OR1B1: variants seen among roughly 807,000 people sequenced by gnomAD.
OR1B1 encodes the protein olfactory receptor family 1 subfamily B member 1, also known as olfactory receptor 1B1.
For missense variants in OR1B1, 414 were observed against 402.1 expected (o/e 1.03, Z -0.25); for synonymous variants, 168 against 156.2 (o/e 1.08, Z -0.57).
At chr9:122,628,157 C>T (rs557477135), downstream of OR1B1, among the ~76,000 whole-genome samples, 2 of 152,110 alleles carry the variant, frequency 1.3e-5, no homozygotes, top group East Asian at 1.9e-4. Context: ...TGTCATCTTC[C>T]CTTACTTTCT....
chr9:122,655,400 A>G, the OR1B1 span, among the ~76,000 whole-genome samples: 1 of 152,148 alleles, frequency 6.6e-6, no homozygotes, highest in Non-Finnish European at 1.5e-5. Context: ...ACTTTTACAC[A>G]TAAAATGACA....
At chr9:122,638,955 A>C in the OR1B1 span, among the ~76,000 whole-genome samples, 1 of 152,196 alleles carries the variant, frequency 6.6e-6, no homozygotes, top group African/African-American at 2.4e-5. Flanking sequence ...GAAGCCCAAA[A>C]TTTAACTAAT....
At chr9:122,633,388 T>G (rs1455259737), upstream of OR1B1, among the ~76,000 whole-genome samples, 2 of 152,158 alleles carry the variant, frequency 1.3e-5, no homozygotes, top group Non-Finnish European at 2.9e-5. Context: ...ACATTAGTTT[T>G]GGCAATCATT....
At chr9:122,633,282 C>A (rs1587981556), upstream of OR1B1, among the ~76,000 whole-genome samples, 1 of 152,202 alleles carries the variant, frequency 6.6e-6, no homozygotes, top group Non-Finnish European at 1.5e-5. Context: ...TTATCTCACA[C>A]CATTCACTAA....
the OR1B1 span, among the ~76,000 whole-genome samples, chr9:122,650,279 TAGG>T: frequency 6.6e-6 from 1 of 151,980 alleles, no homozygotes; most frequent in African/African-American, 2.4e-5. Flanking sequence ...GGGCTCGCAT[TAGG>T]AGAAATACCT....
chr9:122,655,712 G>A, the OR1B1 span, among the ~76,000 whole-genome samples: 2 of 151,606 alleles, frequency 1.3e-5, no homozygotes, highest in Non-Finnish European at 2.9e-5. Context: ...GGGAGGGAGA[G>A]CATTAGAAAA....
At chr9:122,643,922 C>T in the OR1B1 span, among the ~76,000 whole-genome samples, 6 of 152,172 alleles carry the variant, frequency 3.9e-5, no homozygotes, top group South Asian at 1.2e-3. Context: ...CATCTGCTGA[C>T]TAAAGAGCCC....
exon 1 of OR1B1, chr9:122,629,247 C>A (rs1249059088): frequency 7.4e-6 from 12 of 1,613,922 alleles, no homozygotes; most frequent in Middle Eastern, 1.6e-4. Flanking sequence ...AAGCAGCGGG[C>A]AGCAGGAATG....
chr9:122,648,654 C>T, the OR1B1 span, among the ~76,000 whole-genome samples: 1 of 152,056 alleles, frequency 6.6e-6, no homozygotes, highest in Non-Finnish European at 1.5e-5. Flanking sequence ...TTCACAATTG[C>T]TACAAAGAGA....
chr9:122,637,308 A>G, the OR1B1 span: 1 of 152,266 alleles, frequency 6.6e-6, no homozygotes, highest in African/African-American at 2.4e-5. Context: ...GGAACATCAT[A>G]TTGGCCCATT....
At chr9:122,648,711 TC>T in the OR1B1 span, among the ~76,000 whole-genome samples, 10 of 152,270 alleles carry the variant, frequency 6.6e-5, no homozygotes, top group East Asian at 1.9e-3. Flanking sequence ...AAGGACCTCT[TC>T]AAGGAGAACT....
chr9:122,653,392 G>A, the OR1B1 span, among the ~76,000 whole-genome samples: 5 of 152,026 alleles, frequency 3.3e-5, no homozygotes, highest in Non-Finnish European at 5.9e-5. Context: ...ATCTTAACCT[G>A]TCTATGCCTC....
chr9:122,653,702 A>G, the OR1B1 span, among the ~76,000 whole-genome samples: 1 of 152,118 alleles, frequency 6.6e-6, no homozygotes, highest in Non-Finnish European at 1.5e-5. Flanking sequence ...CTCCAACTTC[A>G]CAATATTTCC....
At chr9:122,639,375 T>G in the OR1B1 span, among the ~76,000 whole-genome samples, 1 of 152,310 alleles carries the variant, frequency 6.6e-6, no homozygotes, top group Admixed American at 6.5e-5. Context: ...ACTGATATTA[T>G]TGGATATAGC....
chr9:122,636,333 G>A, the OR1B1 span, among the ~76,000 whole-genome samples: 3,174 of 152,268 alleles, frequency 0.021, 117 homozygotes, highest in African/African-American at 0.071. Flanking sequence ...CATATATACT[G>A]GCCAGGAGCA....
upstream of OR1B1, among the ~76,000 whole-genome samples, chr9:122,633,943 G>A (rs1339170329): frequency 6.7e-6 from 1 of 149,054 alleles, no homozygotes; most frequent in Non-Finnish European, 1.5e-5. Flanking sequence ...AAAGGGTGGG[G>A]TGGGGGGGTG....
At chr9:122,633,944 T>TGG (rs964029434), upstream of OR1B1, among the ~76,000 whole-genome samples, 2 of 45,950 alleles carry the variant, frequency 4.4e-5, no homozygotes, top group East Asian at 1.2e-3. Context: ...AAGGGTGGGG[T>TGG]GGGGGGGTGC....
the OR1B1 span, among the ~76,000 whole-genome samples, chr9:122,644,882 C>T: frequency 6.6e-6 from 1 of 152,158 alleles, no homozygotes; most frequent in Non-Finnish European, 1.5e-5. Flanking sequence ...TGCCCAGACA[C>T]CAGTGAACAT....
At chr9:122,654,890 C>G in the OR1B1 span, among the ~76,000 whole-genome samples, 2 of 152,158 alleles carry the variant, frequency 1.3e-5, no homozygotes, top group Non-Finnish European at 2.9e-5. Flanking sequence ...AGAATGGTGA[C>G]TATAATAATT....
Sources: allele counts gnomAD v4.1 joint callset (sites outside exome capture counted in the v4.1 genomes callset), GRCh38; gene constraint gnomAD v4.1.1; transcripts MANE v1.5; gene names NCBI Gene and HGNC (gene_info 2026-07-23, HGNC 2026-07-21).